CASQ2: variants seen among roughly 807,000 people sequenced by gnomAD.
CASQ2 encodes the protein calsequestrin 2.
Under a neutral mutation model 46.5 loss-of-function variants are expected in CASQ2, and 49 were observed. The observed-to-expected ratio is 1.05, with a 90% CI of 0.84 to 1.34. The LOEUF (loss-of-function observed/expected upper bound fraction) is 1.34. Among genes scored for constraint, CASQ2 ranks in the 40% most tolerant of loss-of-function variants. The pLI, the probability that CASQ2 is intolerant of heterozygous loss-of-function variation, is 0.00. For missense variants in CASQ2, 486 were observed against 481.3 expected, an observed-to-expected ratio of 1.01 and a Z score of -0.09; for synonymous variants, 174 against 168.5, an observed-to-expected ratio of 1.03 and a Z score of -0.25.
At chr1:115,732,845 A>G in intron 5 of CASQ2, 56 bp downstream of exon 5, 5 of 1,247,160 alleles carry the variant, frequency 4.0e-6, no homozygotes, top group Non-Finnish European at 5.9e-6. Flanking sequence ...GAGAGTTCAA[A>G]CTTTAATTCT....
At chr1:115,767,857 C>G (rs934498376) in intron 1 of CASQ2, among the ~76,000 whole-genome samples, 2 of 152,066 alleles carry the variant, frequency 1.3e-5, no homozygotes, top group African/African-American at 4.8e-5. Flanking sequence ...TCCGTCTGAC[C>G]CCCAGAGAGA....
At position 115,701,370 on chromosome 1, in the gene CASQ2, C is replaced by T. The variant is rs1266403288; in HGVS notation, c.1071G>A (p.Glu357=). The T allele has an allele frequency of 2.5e-6, 4 of 1,614,008 alleles. No homozygotes were observed. The highest frequency in any genetic ancestry group is 2.5e-6 in the Non-Finnish European group (3 of 1,179,908). The change falls in exon 11 of 11, where the codon GAG becomes GAA. Residue 357 remains glutamate (E), a synonymous_variant. Coordinates refer to ENST00000261448, the MANE Select transcript of CASQ2 (RefSeq NM_001232.4). The part of the protein sequence containing the change: ...PDDDDLPTAE[E]LEDWIEDVLS... Reference sequence around the variant, plus strand: ...GCACATCCTCAATCCAGTCCTCCAGCTCCTCAGCAGTTGGAAGATCGTCAT... The same window carrying T: ...GCACATCCTCAATCCAGTCCTCCAGTTCCTCAGCAGTTGGAAGATCGTCAT...
At chr1:115,761,465 A>AG (rs1648946003) in intron 1 of CASQ2, among the ~76,000 whole-genome samples, 4 of 11,440 alleles carry the variant, frequency 3.5e-4, no homozygotes, top group African/African-American at 8.8e-4. Context: ...AAGAAGAAGG[A>AG]GAAGAAGAAG....
At chr1:115,706,191 T>TGC (rs141907037) in intron 8 of CASQ2, among the ~76,000 whole-genome samples, 1 of 151,694 alleles carries the variant, frequency 6.6e-6, no homozygotes, top group East Asian at 1.9e-4. Context: ...TGTATGTGTG[T>TGC]GTGCGTGTGT....
intron 8 of CASQ2, among the ~76,000 whole-genome samples, chr1:115,711,666 TG>T (rs1355182777): frequency 6.6e-6 from 1 of 152,100 alleles, no homozygotes; most frequent in Non-Finnish European, 1.5e-5. Context: ...GCTTTGTTTT[TG>T]TTTTTGAGAT....
chr1:115,707,611 G>A (rs1445830108), intron 8 of CASQ2, among the ~76,000 whole-genome samples: 1 of 152,202 alleles, frequency 6.6e-6, no homozygotes, highest in Non-Finnish European at 1.5e-5. Flanking sequence ...CTTTGGCCAT[G>A]TGTCTGTCAC....
intron 1 of CASQ2, 131 bp from the exon 2 acceptor site, chr1:115,745,043 G>T: frequency 1.4e-6 from 1 of 721,434 alleles, no homozygotes. Flanking sequence ...ACCAAGTTGA[G>T]CAGCAGCAAA....
At chr1:115,708,018 AAACTCTCTT>A (rs772099243) in intron 8 of CASQ2, among the ~76,000 whole-genome samples, 35 of 152,214 alleles carry the variant, frequency 2.3e-4, no homozygotes, top group Admixed American at 7.9e-4. Flanking sequence ...CTTATGGGAA[AAACTCTCTT>A]AACATTGAGA....
chr1:115,753,815 G>A (rs1328252178), intron 1 of CASQ2, among the ~76,000 whole-genome samples: 1 of 152,096 alleles, frequency 6.6e-6, no homozygotes, highest in Non-Finnish European at 1.5e-5. Context: ...GGGAGGTGGA[G>A]GGTCATAAAG....
chr1:115,712,706 C>T (rs991343802), intron 8 of CASQ2, among the ~76,000 whole-genome samples: 4 of 151,944 alleles, frequency 2.6e-5, no homozygotes, highest in African/African-American at 7.3e-5. Flanking sequence ...AAATACAAAA[C>T]TTAGCCAGGT....
intron 4 of CASQ2, among the ~76,000 whole-genome samples, chr1:115,735,829 G>C (rs1464500051): frequency 6.6e-6 from 1 of 152,184 alleles, no homozygotes; most frequent in Non-Finnish European, 1.5e-5. Context: ...GGAATTATCT[G>C]AATTATGTCC....
At chr1:115,711,536 TTGTC>T (rs776863116) in intron 8 of CASQ2, among the ~76,000 whole-genome samples, 132 of 151,918 alleles carry the variant, frequency 8.7e-4, no homozygotes, top group Non-Finnish European at 1.6e-3. Flanking sequence ...CATAAAGACT[TTGTC>T]TGTCTTCTTC....
chr1:115,703,528 C>G (rs572706942), intron 9 of CASQ2, among the ~76,000 whole-genome samples: 59 of 152,090 alleles, frequency 3.9e-4, no homozygotes, highest in African/African-American at 1.4e-3. Context: ...TAGGAAATCT[C>G]CCACGCAAAT....
chr1:115,753,857 T>G (rs1648666822), intron 1 of CASQ2, among the ~76,000 whole-genome samples: 5 of 147,288 alleles, frequency 3.4e-5, no homozygotes, highest in South Asian at 2.2e-4. Flanking sequence ...TGAAGGGAGG[T>G]GGGTGGGGAT....
rs72554069 is a variant in CASQ2, at chr1:115,701,291, TATCATC to T, written c.1144_1149del (p.Asp382_Asp383del). 5.6e-6 allele frequency: 9 copies of T among 1,594,354 alleles called. No homozygotes were observed. Among genetic ancestry groups the T allele is most frequent in the Admixed American group, 1.7e-5 (1 of 59,942 alleles). ...TCATCATTATCCTCTTCATCAGAAT[TATCATC>T]ATCATCATCATCTTCATCATCATCT... is the stretch of plus-strand genomic sequence containing the variant. On this transcript the variant is annotated inframe_deletion, in exon 11 of 11. Coordinates refer to ENST00000261448, the MANE Select transcript of CASQ2 (RefSeq NM_001232.4).
In CASQ2 at chr1:115,707,036, C is replaced by CTT. The variant is rs11407551; in HGVS notation, c.839-1746_839-1745dup. ...GCGACCTCTAGTGGAGAAATAGTTC[C>CTT]TTTTTTTTTTTTTGTCTGTTGCCCA... On this transcript the variant is annotated intron_variant, in intron 8 of 10. Transcript: ENST00000261448. Among the ~76,000 whole-genome samples the CTT allele has an allele frequency of 1.8e-3, 264 of 143,590 alleles. 1 individual carries two copies. The highest frequency in any genetic ancestry group is 2.8e-3 in the Admixed American group (41 of 14,422). The allele number at this position is 143,590 out of a possible 152,430, so 94.2% of individuals were successfully genotyped here. A position where few individuals can be genotyped will look rare whatever the true frequency, so the allele number is the denominator to read the frequency against.
intron 1 of CASQ2, among the ~76,000 whole-genome samples, chr1:115,761,992 G>A (rs538905551): frequency 1.3e-5 from 2 of 152,338 alleles, no homozygotes; most frequent in East Asian, 1.9e-4. Context: ...TGGTAGCAGA[G>A]CATCCCAACA....
chr1:115,767,554 C>G (rs1391987743), intron 1 of CASQ2, among the ~76,000 whole-genome samples: 1 of 152,152 alleles, frequency 6.6e-6, no homozygotes, highest in Non-Finnish European at 1.5e-5. Context: ...CACCCTCAGG[C>G]CCTCTTAAAG....
intron 10 of CASQ2, 62 bp downstream of exon 10, chr1:115,702,859 T>G: frequency 8.2e-7 from 1 of 1,226,304 alleles, no homozygotes; most frequent in Non-Finnish European, 1.2e-6. Context: ...CAATCTAAGC[T>G]GTGTAGCAGA....
Sources: gnomAD v4.1 joint callset for allele counts (sites outside exome capture counted in the v4.1 genomes callset) on GRCh38, gnomAD v4.1.1 for gene constraint, MANE v1.5 for transcripts, NCBI Gene and HGNC (gene_info 2026-07-23, HGNC 2026-07-21) for gene names.